Variants in STAT4 observed in about 807,000 individuals in gnomAD.
STAT4 encodes the protein signal transducer and activator of transcription 4.
Under a neutral mutation model 110.5 loss-of-function variants are expected in STAT4, and 42 were observed. The ratio of observed to expected loss-of-function variants is 0.38; its 90% CI spans 0.30 to 0.49. The LOEUF is 0.49. Ranked by LOEUF, STAT4 falls within the 20% of genes least tolerant of loss-of-function variation. STAT4 has a pLI of 0.95. For synonymous variants in STAT4, 284 were observed against 302.2 expected (o/e 0.94, Z 0.63); for missense variants, 632 against 887.9 (o/e 0.71, Z 3.66).
intron 3 of STAT4, among the ~76,000 whole-genome samples, chr2:191,095,392 A>T (rs1456731346): frequency 6.6e-6 from 1 of 152,232 alleles, no homozygotes; most frequent in South Asian, 2.1e-4. Context: ...ATGTAAAAGA[A>T]CAGAAATCAC....
rs754067021 is a variant in STAT4, at chr2:191,146,759, TA to T, written c.129-3del. 38,982 of 1,011,960 alleles carry T rather than the reference TA, an allele frequency of 0.039. 1 individual carries two copies. Among genetic ancestry groups the T allele is most frequent in the South Asian group, 0.085 (4,595 of 53,760 alleles). The allele number at this position is 1,011,960 out of a possible 1,614,324, so 62.7% of individuals were successfully genotyped here. Reference sequence around the variant, plus strand: ...GTTTCATTGTTAGAAGCTGCCTCCCTAAAAAAAAAAAGGATTATTACACAAC... The same window carrying T: ...GTTTCATTGTTAGAAGCTGCCTCCCTAAAAAAAAAAGGATTATTACACAAC... On this transcript the variant is annotated splice_region_variant and splice_polypyrimidine_tract_variant and intron_variant, in intron 2 of 23. Coordinates refer to ENST00000392320, the MANE Select transcript of STAT4 (RefSeq NM_003151.4). The surrounding 1 kb of genome is among the most constrained non-coding windows in gnomAD (Gnocchi z 4.5).
intron 3 of STAT4, among the ~76,000 whole-genome samples, chr2:191,145,974 C>T (rs1042337225): frequency 6.6e-6 from 1 of 152,184 alleles, no homozygotes; most frequent in African/African-American, 2.4e-5. Context: ...CAAGTCCAGA[C>T]TTATGCTGGG....
At chr2:191,148,256 G>C in intron 1 of STAT4, 52 bp from the exon 2 acceptor site, 1 of 1,568,746 alleles carries the variant, frequency 6.4e-7, no homozygotes, top group South Asian at 1.2e-5. Flanking sequence ...CATAGCCCTA[G>C]TACATATTTT....
chr2:191,151,260 A>G, upstream of STAT4: 1 of 985,540 alleles, frequency 1.0e-6, no homozygotes, highest in Non-Finnish European at 1.2e-6. The surrounding 1 kb of genome is among the most constrained non-coding windows in gnomAD (Gnocchi z 4.7). Context: ...GCCAGGAAAA[A>G]GGGGAGGGGC....
chr2:191,144,402 G>A lies in STAT4; in HGVS notation c.273+2211C>T, dbSNP rs1052456049. Among the ~76,000 whole-genome samples, 44 of 152,256 alleles carry A rather than the reference G, an allele frequency of 2.9e-4. No homozygotes were observed. The highest frequency in any genetic ancestry group is 4.8e-4 in the African/African-American group (20 of 41,546). On this transcript the variant is annotated intron_variant, in intron 3 of 23. Transcript: ENST00000392320. This position sits in a 1 kb window ranked among gnomAD's most constrained non-coding sequence, Gnocchi z 4.7. ...GAAGAGCATTCCTGGCCATAGGACC[G>A]TCATGGACAAGGCTGAGTCATTCAA...
chr2:191,101,793 C>T (rs898627014), intron 3 of STAT4, among the ~76,000 whole-genome samples: 3 of 151,860 alleles, frequency 2.0e-5, no homozygotes, highest in Non-Finnish European at 4.4e-5. Context: ...TATAGTATTA[C>T]AATATTTGTT....
At chr2:191,073,301 T>G (rs1047605276) in intron 4 of STAT4, 111 bp from the exon 5 acceptor site, 1 of 754,782 alleles carries the variant, frequency 1.3e-6, no homozygotes, top group Non-Finnish European at 2.2e-6. Context: ...ATATGGATAC[T>G]CTATAGTCAT....
rs1179957193 is a variant in STAT4, at chr2:191,043,924, A to C, written c.1252-2776T>G. The stretch of plus-strand genomic sequence containing the variant: ...ATATAAAGTATATAGAAACATATTC[A>C]TTCATAGAAAAAGTATAAAGGCATT... On this transcript the variant is annotated intron_variant, in intron 14 of 23. Transcript: ENST00000392320. The surrounding 1 kb of genome is among the most constrained non-coding windows in gnomAD (Gnocchi z 4.8). Among the ~76,000 whole-genome samples the C allele has an allele frequency of 1.3e-5, 2 of 151,292 alleles. No homozygotes were observed. Among genetic ancestry groups the C allele is most frequent in the African/African-American group, 4.9e-5 (2 of 41,166 alleles).
chr2:191,063,039 A>G, intron 8 of STAT4, 119 bp from the exon 9 acceptor site: 6 of 818,188 alleles, frequency 7.3e-6, no homozygotes, highest in Non-Finnish European at 1.0e-5. Context: ...AATTAATTAA[A>G]TGAATCACTT....
intron 3 of STAT4, among the ~76,000 whole-genome samples, chr2:191,131,279 CGTT>C (rs1452384532): frequency 2.6e-5 from 4 of 151,770 alleles, no homozygotes; most frequent in Non-Finnish European, 4.4e-5. Context: ...TTCACAGTAA[CGTT>C]GTTTGCAATA....
intron 13 of STAT4, among the ~76,000 whole-genome samples, chr2:191,054,836 C>A (rs1000990447): frequency 2.0e-5 from 3 of 152,288 alleles, no homozygotes; most frequent in South Asian, 2.1e-4. Context: ...ATACAGCACT[C>A]CTTGGCGCCT....
At chr2:191,149,957 T>A (rs1448941215) in intron 1 of STAT4, among the ~76,000 whole-genome samples, 1 of 152,184 alleles carries the variant, frequency 6.6e-6, no homozygotes, top group Non-Finnish European at 1.5e-5. Flanking sequence ...TGGTTAACAA[T>A]AACTTAGTGT....
intron 3 of STAT4, among the ~76,000 whole-genome samples, chr2:191,141,166 A>C (rs575399798): frequency 1.3e-5 from 2 of 152,048 alleles, no homozygotes; most frequent in Non-Finnish European, 2.9e-5. Flanking sequence ...GTGCACTAAA[A>C]TTTTAGAAGT....
chr2:191,040,130 T>C (rs1696148859), intron 15 of STAT4, among the ~76,000 whole-genome samples: 1 of 152,164 alleles, frequency 6.6e-6, no homozygotes, highest in Non-Finnish European at 1.5e-5. Flanking sequence ...GTGTGTGAGA[T>C]TGTGTTTGTT....
In STAT4 at chr2:191,090,327, CGAAT is replaced by C. The variant is rs1670765191; in HGVS notation, c.274-14006_274-14003del. Among the ~76,000 whole-genome samples, 1 of 152,022 alleles carries C rather than the reference CGAAT, an allele frequency of 6.6e-6. No homozygotes were observed. The highest frequency in any genetic ancestry group is 6.6e-5 in the Admixed American group (1 of 15,264). On this transcript the variant is annotated intron_variant, in intron 3 of 23. Transcript: ENST00000392320. The surrounding 1 kb of genome is among the most constrained non-coding windows in gnomAD (Gnocchi z 4.2). ...TCCTCTCACCAGAAATGAATGAATT[CGAAT>C]GAATGAAGTTGCTCGCCTCCTCACT...
At chr2:191,040,434 T>C (rs1449305458) in intron 15 of STAT4, among the ~76,000 whole-genome samples, 1 of 152,218 alleles carries the variant, frequency 6.6e-6, no homozygotes, top group Non-Finnish European at 1.5e-5. Flanking sequence ...TATTTCTCTT[T>C]AGGCTTTCCA....
rs1696065618 is a variant in STAT4, at chr2:191,037,067, A to C, written c.1435-768T>G. On this transcript the variant is annotated intron_variant, in intron 16 of 23. Transcript: ENST00000392320. The surrounding 1 kb of genome is among the most constrained non-coding windows in gnomAD (Gnocchi z 4.8). ...ATCAGTCTACTCATGCAAGAACTTA[A>C]CATTGTCCAAAAAGTAATTTGACAG... 6.6e-6 allele frequency among the ~76,000 whole-genome samples: 1 copy of C among 152,200 alleles called. No homozygotes were observed. Among genetic ancestry groups the C allele is most frequent in the African/African-American group, 2.4e-5 (1 of 41,440 alleles).
chr2:191,110,907 C>T lies in STAT4; in HGVS notation c.274-34582G>A, dbSNP rs750701893. Among the ~76,000 whole-genome samples, 34 of 152,172 alleles carry T rather than the reference C, an allele frequency of 2.2e-4. No individual in the cohort carries two copies. The highest frequency in any genetic ancestry group is 4.0e-4 in the Non-Finnish European group (27 of 68,020). On this transcript the variant is annotated intron_variant, in intron 3 of 23. Transcript: ENST00000392320. The surrounding 1 kb of genome is among the most constrained non-coding windows in gnomAD (Gnocchi z 4.5). ...CAAGCGATTCCCCTGCCTCAGCCTC[C>T]TGAGTTGCCGGGATTACAGGTGGGT...
At chr2:191,131,830 G>C in intron 3 of STAT4, 3 of 1,440,880 alleles carry the variant, frequency 2.1e-6, no homozygotes, top group Non-Finnish European at 2.7e-6. Flanking sequence ...CTAGGGACAA[G>C]ATTTGGACCT....
Sources: gnomAD v4.1 joint callset for allele counts (sites outside exome capture counted in the v4.1 genomes callset) on GRCh38, gnomAD v4.1.1 for gene constraint, Gnocchi (gnomAD v3.1) non-coding constraint, MANE v1.5 for transcripts, NCBI Gene and HGNC (gene_info 2026-07-23, HGNC 2026-07-21) for gene names.